The following INSL6 variants were observed in gnomAD, a reference collection of about 807,000 sequenced individuals.
The protein encoded by INSL6 is insulin like 6, also known as insulin-like peptide INSL6.
A neutral mutation model predicts 9.4 loss-of-function variants in INSL6; 16 were observed. The ratio of observed to expected loss-of-function variants is 1.70; its 90% CI spans 1.15 to 2.59. The LOEUF (loss-of-function observed/expected upper bound fraction) is 2.59. INSL6 is among the 30% of genes most tolerant of loss of function. The pLI is 0.00. For missense variants in INSL6, 391 were observed against 257.3 expected (o/e 1.52, Z -3.56); for synonymous variants, 154 against 96.9 (o/e 1.59, Z -3.46).
chr9:5,080,027 T>A, the INSL6 span, among the ~76,000 whole-genome samples: 1 of 152,322 alleles, frequency 6.6e-6, no homozygotes, highest in East Asian at 1.9e-4. Flanking sequence ...TTGTTAAAGA[T>A]GAAATATTGA....
At chr9:5,017,204 A>G in the INSL6 span, among the ~76,000 whole-genome samples, 1 of 152,218 alleles carries the variant, frequency 6.6e-6, no homozygotes, top group Non-Finnish European at 1.5e-5. Context: ...AGTGAGGGCA[A>G]CATATTTTTT....
At chr9:5,018,985 C>T in the INSL6 span, among the ~76,000 whole-genome samples, 1 of 152,124 alleles carries the variant, frequency 6.6e-6, no homozygotes, top group Non-Finnish European at 1.5e-5. Context: ...CAACAGTTCT[C>T]TCTTTGTCTT....
At chr9:5,015,580 G>C in the INSL6 span, among the ~76,000 whole-genome samples, 6 of 150,298 alleles carry the variant, frequency 4.0e-5, no homozygotes, top group African/African-American at 1.2e-4. Context: ...TGTTACTCAG[G>C]TTGGAGTGCA....
the INSL6 span, chr9:5,090,452 G>A: frequency 5.7e-5 from 89 of 1,552,946 alleles, no homozygotes; most frequent in Non-Finnish European, 6.5e-5. Context: ...AAAGGTCGGC[G>A]TAATCTAAAA....
chr9:5,018,043 C>A, the INSL6 span, among the ~76,000 whole-genome samples: 2 of 152,070 alleles, frequency 1.3e-5, no homozygotes, highest in Non-Finnish European at 2.9e-5. Context: ...GTTTTTTAGT[C>A]CATTTAGCCA....
chr9:5,085,176 A>G, the INSL6 span: 1 of 654,404 alleles, frequency 1.5e-6, no homozygotes, highest in Middle Eastern at 2.6e-4. Flanking sequence ...CTCCCGGCAA[A>G]CTGAACCATC....
chr9:5,105,733 G>C, the INSL6 span, among the ~76,000 whole-genome samples: 2 of 152,166 alleles, frequency 1.3e-5, no homozygotes, highest in African/African-American at 4.8e-5. Flanking sequence ...CAATGGAACA[G>C]AACAGAGGCC....
intron 1 of INSL6, among the ~76,000 whole-genome samples, chr9:5,167,699 G>A (rs1326201042): frequency 6.6e-6 from 1 of 152,212 alleles, no homozygotes; most frequent in African/African-American, 2.4e-5. Flanking sequence ...TGGCTCTGGA[G>A]AGGGAGATTT....
chr9:5,182,068 T>G (rs1208559218), intron 1 of INSL6, among the ~76,000 whole-genome samples: 1 of 152,148 alleles, frequency 6.6e-6, no homozygotes, highest in East Asian at 1.9e-4. Flanking sequence ...ACTCTAGATG[T>G]GTATCCCAGA....
the INSL6 span, chr9:5,069,340 A>T: frequency 1.3e-5 from 8 of 607,766 alleles, no homozygotes; most frequent in South Asian, 1.9e-4. Context: ...ATCTTATTCT[A>T]TTGTACAAGC....
the INSL6 span, among the ~76,000 whole-genome samples, chr9:5,082,839 C>T: frequency 0.26 from 39,449 of 152,130 alleles, 5,444 homozygotes; most frequent in African/African-American, 0.35. Flanking sequence ...TGATTCCATA[C>T]AACACATATT....
the INSL6 span, among the ~76,000 whole-genome samples, chr9:4,994,021 G>A: frequency 6.6e-6 from 1 of 152,210 alleles, no homozygotes; most frequent in African/African-American, 2.4e-5. Flanking sequence ...TGTGCCTTGA[G>A]TTGCTAGGAT....
intron 3 of INSL6, among the ~76,000 whole-genome samples, chr9:5,132,517 C>A (rs568636599): frequency 6.6e-6 from 1 of 150,870 alleles, no homozygotes; most frequent in African/African-American, 2.5e-5. Flanking sequence ...AGCTGTTTAA[C>A]AATCAGATTC....
At chr9:5,104,389 C>T in the INSL6 span, among the ~76,000 whole-genome samples, 9 of 152,104 alleles carry the variant, frequency 5.9e-5, no homozygotes, top group Non-Finnish European at 1.2e-4. Context: ...CTGAATAGAC[C>T]AATAACAGGC....
At chr9:5,090,247 T>C in the INSL6 span, among the ~76,000 whole-genome samples, 1 of 152,242 alleles carries the variant, frequency 6.6e-6, no homozygotes, top group Non-Finnish European at 1.5e-5. Context: ...ACGCAAATAG[T>C]TTCAAAGCTT....
At chr9:5,034,832 A>G in the INSL6 span, among the ~76,000 whole-genome samples, 4 of 152,154 alleles carry the variant, frequency 2.6e-5, no homozygotes, top group Non-Finnish European at 4.4e-5. Flanking sequence ...AAGAACTAGA[A>G]AACCAAGAGC....
chr9:5,177,997 TC>T (rs1825351543), intron 1 of INSL6, among the ~76,000 whole-genome samples: 1 of 152,184 alleles, frequency 6.6e-6, no homozygotes, highest in African/African-American at 2.4e-5. Flanking sequence ...CGCCTCAGCC[TC>T]CCAAGTAGCT....
the INSL6 span, among the ~76,000 whole-genome samples, chr9:5,024,006 C>T: frequency 6.6e-5 from 10 of 152,038 alleles, no homozygotes; most frequent in African/African-American, 2.2e-4. Flanking sequence ...CCTGTAATCC[C>T]AGCACTTTGG....
chr9:5,088,910 T>C, the INSL6 span, among the ~76,000 whole-genome samples: 1 of 152,212 alleles, frequency 6.6e-6, no homozygotes, highest in Non-Finnish European at 1.5e-5. Context: ...ATATTGGGGG[T>C]TAAGGCTTCA....
Sources: allele counts gnomAD v4.1 joint callset (sites outside exome capture counted in the v4.1 genomes callset), GRCh38; gene constraint gnomAD v4.1.1; transcripts MANE v1.5; gene names NCBI Gene and HGNC (gene_info 2026-07-23, HGNC 2026-07-21).